PDE8B: variants seen among roughly 807,000 people sequenced by gnomAD.
The protein encoded by PDE8B is phosphodiesterase 8B.
A neutral mutation model predicts 101.3 loss-of-function variants in PDE8B; 26 were observed. The ratio of observed to expected loss-of-function variants is 0.26; its 90% confidence interval spans 0.19 to 0.36. The LOEUF (loss-of-function observed/expected upper bound fraction) is 0.36, where lower values mean the gene tolerates loss of function less well. PDE8B is among the 10% of genes least tolerant of loss of function. The probability of loss-of-function intolerance (pLI) is 1.00; values close to 1 mark genes in which losing one functional copy is unlikely to be tolerated. For synonymous variants in PDE8B, 424 were observed against 429.3 expected, an observed-to-expected ratio of 0.99 and a Z score of 0.15; for missense variants, 810 against 1,163.1, an observed-to-expected ratio of 0.70 and a Z score of 4.42.
At chr5:77,168,853 A>G in the PDE8B span, among the ~76,000 whole-genome samples, 7 of 152,202 alleles carry the variant, frequency 4.6e-5, no homozygotes, top group East Asian at 1.9e-4. Context: ...CCATGTTTTC[A>G]GTAGGGCCTC....
Position 77,351,011 on chromosome 5 carries a change from G to C in PDE8B, c.1018-54G>C, listed in dbSNP as rs1561567194. 3 of 1,274,072 alleles carry C rather than the reference G, an allele frequency of 2.4e-6. No homozygotes were observed. The Admixed American group carries it at 5.1e-5, about 21-fold the overall frequency. The allele number at this position is 1,274,072 out of a possible 1,614,324, so 78.9% of individuals were successfully genotyped here. Reference sequence around the variant, plus strand: ...CTCAGCCTTCTGAGACCCTCTGCAGGAGCAGCTGTCATCCTTGACTGAAGG... The same window carrying C: ...CTCAGCCTTCTGAGACCCTCTGCAGCAGCAGCTGTCATCCTTGACTGAAGG... On this transcript the variant is annotated intron_variant, in intron 8 of 21. Coordinates refer to ENST00000264917, the MANE Select transcript of PDE8B (RefSeq NM_003719.5).
chr5:77,147,845 A>C, the PDE8B span: 1 of 152,242 alleles, frequency 6.6e-6, no homozygotes, highest in Non-Finnish European at 1.5e-5. Context: ...AAATCTCTGA[A>C]GTCCGCAGGC....
chr5:77,109,186 G>A, the PDE8B span, among the ~76,000 whole-genome samples: 2 of 152,228 alleles, frequency 1.3e-5, no homozygotes, highest in Non-Finnish European at 2.9e-5. Flanking sequence ...TCAGGACTCT[G>A]CCCTGTCACC....
chr5:77,323,960 A>G (rs1344296533), intron 2 of PDE8B, among the ~76,000 whole-genome samples: 1 of 152,182 alleles, frequency 6.6e-6, no homozygotes, highest in Non-Finnish European at 1.5e-5. Context: ...ACTCCATCTC[A>G]AAAACAAACA....
At chr5:77,141,203 G>A in the PDE8B span, 2 of 152,148 alleles carry the variant, frequency 1.3e-5, no homozygotes, top group Non-Finnish European at 2.9e-5. Flanking sequence ...GCAATGGGAT[G>A]CTTTAACATG....
chr5:77,163,798 T>C, the PDE8B span, among the ~76,000 whole-genome samples: 1 of 152,178 alleles, frequency 6.6e-6, no homozygotes. Context: ...TCATAAAAAA[T>C]GTTTAGGAGT....
chr5:77,206,471 C>T (rs983547814), upstream of PDE8B, among the ~76,000 whole-genome samples: 6 of 152,110 alleles, frequency 3.9e-5, no homozygotes, highest in Admixed American at 2.6e-4. Flanking sequence ...GAGTAGGAAA[C>T]GTTTGAGCAG....
chr5:77,317,459 A>G (rs1456878807), intron 2 of PDE8B, among the ~76,000 whole-genome samples: 1 of 152,190 alleles, frequency 6.6e-6, no homozygotes, highest in Non-Finnish European at 1.5e-5. Flanking sequence ...ATGTACTCCC[A>G]TAGGGCTCCA....
chr5:77,270,757 G>T (rs1762611701), intron 1 of PDE8B, among the ~76,000 whole-genome samples: 1 of 152,212 alleles, frequency 6.6e-6, no homozygotes, highest in Admixed American at 6.5e-5. Context: ...GCTAACCAGA[G>T]ATACCACTTC....
At chr5:77,128,378 T>G in the PDE8B span, among the ~76,000 whole-genome samples, 2 of 152,244 alleles carry the variant, frequency 1.3e-5, no homozygotes, top group African/African-American at 4.8e-5. Context: ...TCCCAAGGGC[T>G]GGCTGATGGG....
chr5:77,359,573 A>T (rs17683175), intron 10 of PDE8B, among the ~76,000 whole-genome samples: 1 of 152,000 alleles, frequency 6.6e-6, no homozygotes, highest in African/African-American at 2.4e-5. Flanking sequence ...ATGTTTGTTT[A>T]TAAGGTATCC....
the PDE8B span, among the ~76,000 whole-genome samples, chr5:77,127,627 T>C: frequency 6.6e-6 from 1 of 152,144 alleles, no homozygotes; most frequent in Admixed American, 6.5e-5. Flanking sequence ...AAAACCTGAC[T>C]CCAGTTATCA....
chr5:77,325,492 C>T (rs1056505417), intron 2 of PDE8B, 47 bp from the exon 3 acceptor site: 20 of 1,559,850 alleles, frequency 1.3e-5, no homozygotes, highest in Non-Finnish European at 1.6e-5. Context: ...TTAATAGTCT[C>T]TATGGATGAT....
chr5:77,295,773 G>T (rs1213005521), intron 1 of PDE8B, among the ~76,000 whole-genome samples: 1 of 152,184 alleles, frequency 6.6e-6, no homozygotes, highest in Admixed American at 6.5e-5. Context: ...TCCAGAGTTA[G>T]ATATGGCTTT....
chr5:77,274,530 C>G (rs1417179420), intron 1 of PDE8B, among the ~76,000 whole-genome samples: 2 of 152,238 alleles, frequency 1.3e-5, no homozygotes, highest in Admixed American at 1.3e-4. Context: ...TGATGGCCAA[C>G]CTGGCCTAGC....
rs1767260750 is a variant in PDE8B, at chr5:77,291,239, G to A, written c.340-20755G>A. 7 of 1,611,932 alleles carry A rather than the reference G, an allele frequency of 4.3e-6. No individual in the cohort carries two copies. The Admixed American group carries it at 1.0e-4, about 23-fold the overall frequency. ...ATGAGGTTGTAAACAGACTTAAAAAGGCCTACGCACAGATCCGAGTTGGGA... is the reference window on the plus strand; with the variant it reads ...ATGAGGTTGTAAACAGACTTAAAAAAGCCTACGCACAGATCCGAGTTGGGA... On this transcript the variant is annotated intron_variant, in intron 1 of 21. Transcript: ENST00000264917.
At chr5:77,323,961 AAAAC>A (rs1348920087) in intron 2 of PDE8B, among the ~76,000 whole-genome samples, 21 of 152,312 alleles carry the variant, frequency 1.4e-4, no homozygotes, top group African/African-American at 4.1e-4. Context: ...CTCCATCTCA[AAAAC>A]AAACAAACAA....
the PDE8B span, among the ~76,000 whole-genome samples, chr5:77,124,598 AG>A: frequency 6.8e-6 from 1 of 147,846 alleles, no homozygotes; most frequent in Non-Finnish European, 1.5e-5. Flanking sequence ...AAAAAAAAAA[AG>A]AAAGAAAGAA....
intron 19 of PDE8B, 37 bp downstream of exon 19, chr5:77,419,924 G>T (rs1193166360): frequency 6.2e-7 from 1 of 1,611,874 alleles, no homozygotes; most frequent in Middle Eastern, 1.7e-4. Flanking sequence ...GCACATCCAA[G>T]TACATTTCCA....
Sources: allele counts gnomAD v4.1 joint callset (sites outside exome capture counted in the v4.1 genomes callset), GRCh38; gene constraint gnomAD v4.1.1; transcripts MANE v1.5; gene names NCBI Gene and HGNC (gene_info 2026-07-23, HGNC 2026-07-21).